MAP7: variants seen among roughly 807,000 people sequenced by gnomAD.
MAP7 encodes the protein microtubule associated protein 7, also known as ensconsin.
MAP7 carries 52 observed loss-of-function variants against 94.8 expected under a neutral mutation model. The observed-to-expected ratio is 0.55, with a 90% CI of 0.44 to 0.69. The LOEUF is 0.69. MAP7 is among the 30% of genes least tolerant of loss of function. The pLI, the probability that MAP7 is intolerant of heterozygous loss-of-function variation, is 0.00. For missense variants in MAP7, 940 were observed against 964.6 expected, an observed-to-expected ratio of 0.97 and a Z score of 0.34; for synonymous variants, 350 against 357.0, an observed-to-expected ratio of 0.98 and a Z score of 0.22.
At chr6:136,456,809 AGAAGAAGAAGAAG>A (rs1562422197) in intron 1 of MAP7, among the ~76,000 whole-genome samples, 4 of 87,264 alleles carry the variant, frequency 4.6e-5, no homozygotes, top group South Asian at 4.4e-4. Flanking sequence ...AAGAAGAAGA[AGAAGAAGAAGAAG>A]GAAGAAGAAG....
chr6:136,493,076 C>G (rs1936230837), intron 1 of MAP7, among the ~76,000 whole-genome samples: 2 of 149,186 alleles, frequency 1.3e-5, no homozygotes, highest in Non-Finnish European at 3.0e-5. Flanking sequence ...AAAGCATTGT[C>G]TCATGTGTCT....
chr6:136,526,006 T>A, intron 1 of MAP7: 1 of 1,487,492 alleles, frequency 6.7e-7, no homozygotes, highest in Non-Finnish European at 8.8e-7. Context: ...TGTGATTATA[T>A]TAAAAATATA....
chr6:136,469,297 C>A (rs878868538), intron 1 of MAP7, among the ~76,000 whole-genome samples: 1 of 149,038 alleles, frequency 6.7e-6, no homozygotes, highest in South Asian at 2.2e-4. Flanking sequence ...TTCTTTCCCT[C>A]CCTCCCTCCC....
chr6:136,474,745 A>G (rs1810305133), intron 1 of MAP7, among the ~76,000 whole-genome samples: 1 of 147,782 alleles, frequency 6.8e-6, no homozygotes, highest in Non-Finnish European at 1.5e-5. Context: ...TGGTGACAGC[A>G]TCTTGTTCTT....
At chr6:136,379,686 A>G (rs1777196659) in intron 6 of MAP7, among the ~76,000 whole-genome samples, 1 of 152,240 alleles carries the variant, frequency 6.6e-6, no homozygotes, top group Admixed American at 6.5e-5. Context: ...TTACAACTGC[A>G]GAGATGGGTT....
Position 136,360,697 on chromosome 6 carries a change from CTTCT to C in MAP7, c.1799_1802del (p.Lys600SerfsTer7). On this transcript the variant is annotated frameshift_variant and splice_region_variant, in exon 13 of 18. Coordinates refer to ENST00000354570, the MANE Select transcript of MAP7 (RefSeq NM_003980.6). LOFTEE classifies it high-confidence loss of function. ...GGCCTCTCTACTAAGACGCAGCTACCTTCTTTCTCTCCAGGCGCTCTTGCTCTTC... is the reference window on the plus strand; with the variant it reads ...GGCCTCTCTACTAAGACGCAGCTACCTTCTCTCCAGGCGCTCTTGCTCTTC... 1 of 1,614,062 alleles carries C rather than the reference CTTCT, an allele frequency of 6.2e-7. No homozygotes were observed. The highest frequency in any genetic ancestry group is 1.3e-5 in the African/African-American group (1 of 75,056).
chr6:136,344,685 C>T (rs565780551), intron 17 of MAP7, among the ~76,000 whole-genome samples: 8 of 152,274 alleles, frequency 5.3e-5, no homozygotes, highest in Non-Finnish European at 7.4e-5. Flanking sequence ...TACCATTAGT[C>T]GGATTGTTCC....
chr6:136,346,713 T>G (rs1787798442), intron 16 of MAP7, among the ~76,000 whole-genome samples: 1 of 76,156 alleles, frequency 1.3e-5, no homozygotes, highest in Non-Finnish European at 2.7e-5. Context: ...GCAGGCATTT[T>G]TATATTCATC....
At chr6:136,441,783 G>T (rs960746073) in intron 1 of MAP7, among the ~76,000 whole-genome samples, 13 of 152,184 alleles carry the variant, frequency 8.5e-5, no homozygotes, top group African/African-American at 3.1e-4. Flanking sequence ...GGAAGGCTGA[G>T]GCGGGAGGAT....
intron 1 of MAP7, among the ~76,000 whole-genome samples, chr6:136,505,280 T>TATATAG (rs1821142288): frequency 9.8e-6 from 1 of 102,490 alleles, no homozygotes; most frequent in African/African-American, 5.1e-5. Flanking sequence ...TGTGTGTGTA[T>TATATAG]ATATATATAT....
Position 136,482,614 on chromosome 6 carries a change from A to AAAAC in MAP7, c.68-60816_68-60815insGTTT, listed in dbSNP as rs371789328. On this transcript the variant is annotated intron_variant, in intron 1 of 17. Coordinates refer to ENST00000354570, the MANE Select transcript of MAP7 (RefSeq NM_003980.6). The stretch of plus-strand genomic sequence containing the variant: ...AGGCTCCATCTCAAAAAAAAAAAAA[A>AAAAC]CAGACGCATGCATATGTTCATCACA... 0.012 allele frequency among the ~76,000 whole-genome samples: 1,764 copies of AAAAC among 150,062 alleles called. 77 individuals are homozygous for AAAAC. The East Asian group carries it at 0.13, about 11-fold the overall frequency.
At chr6:136,531,675 T>C (rs1190454037) in intron 1 of MAP7, among the ~76,000 whole-genome samples, 1 of 134,044 alleles carries the variant, frequency 7.5e-6, no homozygotes, top group Non-Finnish European at 1.5e-5. Context: ...AGAAAAGGGA[T>C]CAAATGGTGG....
chr6:136,429,079 A>G (rs1794137411), intron 1 of MAP7, among the ~76,000 whole-genome samples: 1 of 152,106 alleles, frequency 6.6e-6, no homozygotes. Context: ...CCTCTCTTGC[A>G]TCCTTCATCA....
At chr6:136,444,033 GA>G (rs1363352448) in intron 1 of MAP7, among the ~76,000 whole-genome samples, 1 of 152,218 alleles carries the variant, frequency 6.6e-6, no homozygotes, top group East Asian at 1.9e-4. Flanking sequence ...AATATTATTC[GA>G]CTTTATTCCA....
chr6:136,430,813 G>A (rs113717197), intron 1 of MAP7, among the ~76,000 whole-genome samples: 86 of 152,140 alleles, frequency 5.7e-4, no homozygotes, highest in African/African-American at 1.8e-3. Flanking sequence ...AACTGTTTAC[G>A]TCTCATCTCT....
intron 3 of MAP7, among the ~76,000 whole-genome samples, chr6:136,392,661 A>G (rs1781130094): frequency 1.3e-5 from 2 of 152,182 alleles, no homozygotes. Context: ...TAGCTGAATC[A>G]AAGGGAACAT....
intron 1 of MAP7, among the ~76,000 whole-genome samples, chr6:136,463,338 A>G (rs894663075): frequency 1.3e-5 from 2 of 152,222 alleles, no homozygotes; most frequent in Admixed American, 1.3e-4. Context: ...ATGTTAGGAA[A>G]TATTCTCCAT....
chr6:136,379,904 C>T (rs1777263256), intron 6 of MAP7, among the ~76,000 whole-genome samples: 6 of 152,170 alleles, frequency 3.9e-5, no homozygotes, highest in Admixed American at 3.9e-4. Flanking sequence ...CCACTTCCAC[C>T]ACATTCATAA....
intron 1 of MAP7, among the ~76,000 whole-genome samples, chr6:136,504,758 G>A (rs1375592374): frequency 2.0e-5 from 3 of 152,184 alleles, no homozygotes; most frequent in Non-Finnish European, 4.4e-5. Flanking sequence ...TCGGCCCAAT[G>A]CAACCTCTGC....
Sources: gnomAD v4.1 joint callset for allele counts (sites outside exome capture counted in the v4.1 genomes callset) on GRCh38, gnomAD v4.1.1 for gene constraint, MANE v1.5 for transcripts, NCBI Gene and HGNC (gene_info 2026-07-23, HGNC 2026-07-21) for gene names.